The following OCA2 variants were observed in gnomAD, a reference collection of about 807,000 sequenced individuals.
OCA2 encodes OCA2 melanosomal transmembrane protein, also known as P protein.
A neutral mutation model predicts 100.2 loss-of-function variants in OCA2; 77 were observed. The ratio of observed to expected loss-of-function variants is 0.77; its 90% confidence interval spans 0.64 to 0.93. The LOEUF (loss-of-function observed/expected upper bound fraction) is 0.93. Ranked by LOEUF, OCA2 falls within the 40% of genes least tolerant of loss-of-function variation. The pLI, the probability that OCA2 is intolerant of heterozygous loss-of-function variation, is 0.00. For synonymous variants in OCA2, 432 were observed against 439.2 expected (o/e 0.98, Z 0.21); for missense variants, 1,062 against 1,089.1 (o/e 0.98, Z 0.35).
At chr15:27,746,501 T>C in the OCA2 span, among the ~76,000 whole-genome samples, 1 of 150,240 alleles carries the variant, frequency 6.7e-6, no homozygotes, top group Non-Finnish European at 1.5e-5. Context: ...TAAATAGAAC[T>C]TTTTTCCCCC....
chr15:27,999,475 A>G (rs2041859596), intron 9 of OCA2, among the ~76,000 whole-genome samples: 1 of 152,220 alleles, frequency 6.6e-6, no homozygotes, highest in Non-Finnish European at 1.5e-5. Context: ...ACAACGTAAT[A>G]AAGACCATAT....
At chr15:28,008,729 C>T (rs1017974926) in intron 9 of OCA2, among the ~76,000 whole-genome samples, 10 of 152,308 alleles carry the variant, frequency 6.6e-5, no homozygotes, top group Admixed American at 4.6e-4. Context: ...TATTTCTTTT[C>T]GGCACCAAAA....
chr15:27,845,295 T>C (rs996638389), intron 22 of OCA2, among the ~76,000 whole-genome samples: 1 of 151,782 alleles, frequency 6.6e-6, no homozygotes, highest in Non-Finnish European at 1.5e-5. Flanking sequence ...TTTAACAGAG[T>C]GGAGGAAAGC....
intron 19 of OCA2, among the ~76,000 whole-genome samples, chr15:27,900,263 T>C (rs2703976): frequency 0.42 from 64,115 of 151,868 alleles, 15,433 homozygotes; most frequent in South Asian, 0.63. Flanking sequence ...ATGAGACATA[T>C]GATATATGAA....
intron 2 of OCA2, 125 bp from the exon 3 acceptor site, chr15:28,032,288 C>G: frequency 1.3e-6 from 1 of 797,702 alleles, no homozygotes; most frequent in South Asian, 1.4e-5. Context: ...GGAAATTTGC[C>G]TAAGGGTCTG....
At chr15:27,863,459 T>C (rs1392914257) in intron 21 of OCA2, among the ~76,000 whole-genome samples, 1 of 152,140 alleles carries the variant, frequency 6.6e-6, no homozygotes, top group East Asian at 1.9e-4. Context: ...AATGCCAATG[T>C]GTGGAGTGGG....
At chr15:27,802,780 T>C (rs1262519753) in intron 23 of OCA2, among the ~76,000 whole-genome samples, 2 of 152,116 alleles carry the variant, frequency 1.3e-5, no homozygotes, top group Admixed American at 1.3e-4. Flanking sequence ...TCAGGAGGGA[T>C]CACAGACCTC....
intron 23 of OCA2, among the ~76,000 whole-genome samples, chr15:27,840,430 G>A (rs552555434): frequency 2.0e-5 from 3 of 152,284 alleles, no homozygotes; most frequent in African/African-American, 7.2e-5. Context: ...CAGACCTCTC[G>A]ATACCAGTAT....
chr15:27,897,831 G>A (rs976104596), intron 19 of OCA2, among the ~76,000 whole-genome samples: 9 of 152,188 alleles, frequency 5.9e-5, no homozygotes, highest in African/African-American at 1.7e-4. Flanking sequence ...TGAAGGCAGC[G>A]GGGACGGAGG....
intron 23 of OCA2, among the ~76,000 whole-genome samples, chr15:27,817,118 G>C (rs1165998616): frequency 6.6e-6 from 1 of 152,114 alleles, no homozygotes; most frequent in East Asian, 1.9e-4. Flanking sequence ...TATTTACCTG[G>C]AACCCACGCT....
chr15:27,769,801 C>A (rs146704333), intron 23 of OCA2, among the ~76,000 whole-genome samples: 2,017 of 152,344 alleles, frequency 0.013, 13 homozygotes, highest in Admixed American at 0.022. Context: ...GCAAGCCGCC[C>A]GGGCACGGAG....
rs760450273 is a variant in OCA2, at chr15:27,985,096, G to T, written c.1332C>A (p.Thr444=). The T allele has an allele frequency of 1.2e-6, 2 of 1,614,014 alleles. No individual in the cohort carries two copies. The highest frequency in any genetic ancestry group is 1.1e-5 in the South Asian group (1 of 91,080). ...TCACAGGCGTGAAGAGGAGCATGGT[G>T]GTGACGTTGTCCAAGAAGGCAGAGA... ...AVLSAFLDNV[T]TMLLFTPVTI... The change falls in exon 13 of 24, where the codon ACC becomes ACA. Residue 444 remains threonine (T), a synonymous_variant. Coordinates refer to ENST00000354638, the MANE Select transcript of OCA2 (RefSeq NM_000275.3).
chr15:28,082,729 C>T (rs896023392), intron 1 of OCA2, among the ~76,000 whole-genome samples: 3 of 152,122 alleles, frequency 2.0e-5, no homozygotes, highest in Admixed American at 1.3e-4. Flanking sequence ...AACATGGCTA[C>T]CTCTGGATGG....
At chr15:28,028,530 T>C (rs1048751312) in intron 3 of OCA2, among the ~76,000 whole-genome samples, 11 of 151,846 alleles carry the variant, frequency 7.2e-5, no homozygotes, top group African/African-American at 2.4e-4. Flanking sequence ...CCACACAACA[T>C]CCACAGAAGC....
intron 19 of OCA2, among the ~76,000 whole-genome samples, chr15:27,884,780 T>C (rs1397093789): frequency 6.6e-6 from 1 of 152,220 alleles, no homozygotes; most frequent in Non-Finnish European, 1.5e-5. Context: ...TAGTGATACG[T>C]ATTTTTTTGT....
chr15:27,996,729 C>A (rs2041739555), intron 9 of OCA2, among the ~76,000 whole-genome samples: 1 of 151,874 alleles, frequency 6.6e-6, no homozygotes, highest in Non-Finnish European at 1.5e-5. Flanking sequence ...TGCAACCTAC[C>A]AAGACTGAAT....
chr15:27,735,905 GA>G, the OCA2 span, among the ~76,000 whole-genome samples: 1 of 152,170 alleles, frequency 6.6e-6, no homozygotes, highest in South Asian at 2.1e-4. Flanking sequence ...TATTTAAGCT[GA>G]AAGAAAAGGA....
At chr15:27,723,785 G>A in the OCA2 span, among the ~76,000 whole-genome samples, 1 of 152,184 alleles carries the variant, frequency 6.6e-6, no homozygotes, top group Non-Finnish European at 1.5e-5. Flanking sequence ...ATAGAATCTT[G>A]AGGTGCTTGT....
chr15:28,089,006 G>A (rs917455019), intron 1 of OCA2, among the ~76,000 whole-genome samples: 1 of 152,156 alleles, frequency 6.6e-6, no homozygotes, highest in East Asian at 1.9e-4. Context: ...AAAGACAGAC[G>A]TCCCCAAAGT....
Sources: allele counts gnomAD v4.1 joint callset (sites outside exome capture counted in the v4.1 genomes callset), GRCh38; gene constraint gnomAD v4.1.1; transcripts MANE v1.5; gene names NCBI Gene and HGNC (gene_info 2026-07-23, HGNC 2026-07-21).